Variants in TRPM7 observed in about 807,000 individuals in gnomAD.
The protein encoded by TRPM7 is LTRPC ion channel family member 7.
TRPM7 carries 134 observed loss-of-function variants against 229.7 expected under a neutral mutation model. That is an observed-to-expected ratio of 0.58 (90% CI 0.51 to 0.67). The LOEUF (loss-of-function observed/expected upper bound fraction) is 0.67. Ranked by LOEUF, TRPM7 falls within the 30% of genes least tolerant of loss-of-function variation. TRPM7 has a pLI of 0.00. For missense variants in TRPM7, 1,901 were observed against 2,210.0 expected (o/e 0.86, Z 2.80); for synonymous variants, 699 against 715.2 (o/e 0.98, Z 0.36).
chr15:50,574,113 G>A (rs2054023656), intron 36 of TRPM7, among the ~76,000 whole-genome samples, 161 bp downstream of exon 36: 1 of 152,116 alleles, frequency 6.6e-6, no homozygotes, highest in African/African-American at 2.4e-5. Flanking sequence ...ATTACTCAAG[G>A]CCCTGATGGC....
intron 4 of TRPM7, among the ~76,000 whole-genome samples, chr15:50,643,949 G>A (rs1198042937): frequency 6.6e-6 from 1 of 152,114 alleles, no homozygotes; most frequent in African/African-American, 2.4e-5. Flanking sequence ...GAATTAGGGG[G>A]GAAAAATATG....
At chr15:50,575,589 G>C (rs1414896668) in intron 33 of TRPM7, 135 bp downstream of exon 33, 2 of 749,514 alleles carry the variant, frequency 2.7e-6, no homozygotes, top group African/African-American at 1.8e-5. Context: ...CCTCACCCTT[G>C]TGGTAGTCAG....
At chr15:50,606,355 G>C (rs1163405184) in intron 20 of TRPM7, among the ~76,000 whole-genome samples, 1 of 151,350 alleles carries the variant, frequency 6.6e-6, no homozygotes, top group Non-Finnish European at 1.5e-5. Context: ...CTCCAGCCTG[G>C]GTCACAGAGG....
At chr15:50,674,010 A>G (rs2062044717) in intron 1 of TRPM7, among the ~76,000 whole-genome samples, 1 of 152,208 alleles carries the variant, frequency 6.6e-6, no homozygotes, top group South Asian at 2.1e-4. Context: ...GTTTCTTGAG[A>G]TGGAGTTTTA....
chr15:50,594,628 A>T lies in TRPM7; in HGVS notation c.3291-15T>A, dbSNP rs1177592413. 1 of 1,504,854 alleles carries T rather than the reference A, an allele frequency of 6.6e-7. No homozygotes were observed. Among genetic ancestry groups the T allele is most frequent in the Non-Finnish European group, 9.0e-7 (1 of 1,112,328 alleles). 93.2% of individuals were successfully genotyped at this position (1,504,854 alleles called of 1,614,324 possible). On this transcript the variant is annotated splice_polypyrimidine_tract_variant and intron_variant, in intron 23 of 38. Transcript: ENST00000646667. ...AATACACATTGCTAGAGAAATAATG[A>T]ATAAAAATAAAATAAACTTTGTTAA...
chr15:50,565,862 C>T (rs1183752530), intron 38 of TRPM7, among the ~76,000 whole-genome samples: 5 of 150,090 alleles, frequency 3.3e-5, no homozygotes, highest in South Asian at 4.2e-4. Flanking sequence ...CTTGCTCTGT[C>T]GCCCAGGCCA....
chr15:50,640,066 G>C (rs571223863), intron 5 of TRPM7, among the ~76,000 whole-genome samples: 2 of 152,180 alleles, frequency 1.3e-5, no homozygotes, highest in Admixed American at 1.3e-4. Flanking sequence ...ATTTGGTCTA[G>C]TCCGTTTTTG....
intron 26 of TRPM7, among the ~76,000 whole-genome samples, chr15:50,591,575 C>T (rs1483605966): frequency 6.6e-6 from 1 of 151,528 alleles, no homozygotes; most frequent in Non-Finnish European, 1.5e-5. Context: ...CAGCCCACTG[C>T]AGCTTTCAGC....
Position 50,588,200 on chromosome 15 carries a change from AG to A in TRPM7, c.4389+1391del, listed in dbSNP as rs536308421. On this transcript the variant is annotated intron_variant, in intron 27 of 38. Coordinates refer to ENST00000646667, the MANE Select transcript of TRPM7 (RefSeq NM_017672.6). ...ACTAAAGAGACTTTACCTCATATTT[AG>A]GCATCTCTGTATACTCCATAATCAC... 6.8e-4 allele frequency: 670 copies of A among 984,154 alleles called. 7 individuals carry two copies. The African/African-American group carries it at 0.011, about 17-fold the overall frequency. 61.0% of individuals were successfully genotyped at this position (984,154 alleles called of 1,614,324 possible).
intron 8 of TRPM7, among the ~76,000 whole-genome samples, chr15:50,633,835 C>A (rs930117034): frequency 1.3e-5 from 2 of 152,160 alleles, no homozygotes; most frequent in Non-Finnish European, 2.9e-5. Context: ...AGTGCCTCTA[C>A]GTTTGACACA....
At chr15:50,590,833 A>G in intron 26 of TRPM7, among the ~76,000 whole-genome samples, 1 of 129,096 alleles carries the variant, frequency 7.7e-6, no homozygotes, top group African/African-American at 2.6e-5. Flanking sequence ...TTTAAAAAAA[A>G]AAAAAAAAGG....
chr15:50,654,033 C>A (rs2061492814), intron 3 of TRPM7, among the ~76,000 whole-genome samples: 1 of 152,062 alleles, frequency 6.6e-6, no homozygotes, highest in African/African-American at 2.4e-5. Context: ...ACTGCCCTAA[C>A]AAAGAAGAAA....
intron 13 of TRPM7, among the ~76,000 whole-genome samples, chr15:50,618,828 A>G (rs1333123443): frequency 6.6e-6 from 1 of 151,920 alleles, no homozygotes; most frequent in Admixed American, 6.6e-5. Context: ...CTCTATGTCC[A>G]TAGGTACCCA....
intron 4 of TRPM7, among the ~76,000 whole-genome samples, chr15:50,646,377 G>C (rs528699226): frequency 1.2e-4 from 19 of 152,230 alleles, no homozygotes; most frequent in African/African-American, 4.1e-4. Context: ...CAACTTCTCA[G>C]GCTCAACTGA....
chr15:50,610,053 T>C, intron 17 of TRPM7, 92 bp from the exon 18 acceptor site: 1 of 1,008,308 alleles, frequency 9.9e-7, no homozygotes, highest in Admixed American at 3.1e-5. Flanking sequence ...CAATAAAAGA[T>C]TTTAAATATC....
At chr15:50,567,805 T>C (rs1036223116) in intron 38 of TRPM7, among the ~76,000 whole-genome samples, 1 of 151,268 alleles carries the variant, frequency 6.6e-6, no homozygotes, top group Admixed American at 6.6e-5. Flanking sequence ...AAACAAGGAG[T>C]AGGCCGGGCA....
chr15:50,651,064 G>A (rs2061408387), intron 3 of TRPM7, among the ~76,000 whole-genome samples: 1 of 152,104 alleles, frequency 6.6e-6, no homozygotes, highest in South Asian at 2.1e-4. Context: ...ATGCACGCCT[G>A]TAGTCCAAGC....
At chr15:50,603,657 G>A (rs1213248247) in intron 21 of TRPM7, among the ~76,000 whole-genome samples, 1 of 151,956 alleles carries the variant, frequency 6.6e-6, no homozygotes, top group Non-Finnish European at 1.5e-5. Flanking sequence ...CTTTTTTGTG[G>A]CTGCACAGTA....
At chr15:50,624,337 T>C (rs776043802) in intron 11 of TRPM7, 37 bp from the exon 12 acceptor site, 4 of 1,505,044 alleles carry the variant, frequency 2.7e-6, no homozygotes, top group Middle Eastern at 1.9e-4. Context: ...ATATTTCACA[T>C]ATTCTAATTA....
Sources: allele counts gnomAD v4.1 joint callset (sites outside exome capture counted in the v4.1 genomes callset), GRCh38; gene constraint gnomAD v4.1.1; transcripts MANE v1.5; gene names NCBI Gene and HGNC (gene_info 2026-07-23, HGNC 2026-07-21).